Variants in LMNB1 observed in about 807,000 individuals in gnomAD.
LMNB1 encodes the protein lamin-B1.
Under a neutral mutation model 67.1 loss-of-function variants are expected in LMNB1, and 23 were observed. The ratio of observed to expected loss-of-function variants is 0.34; its 90% CI spans 0.25 to 0.49. LMNB1 has a LOEUF of 0.49. Ranked by LOEUF, LMNB1 falls within the 20% of genes least tolerant of loss-of-function variation. LMNB1 has a pLI of 0.99. For synonymous variants in LMNB1, 281 were observed against 282.9 expected, an observed-to-expected ratio of 0.99 and a Z score of 0.07; for missense variants, 634 against 746.5, an observed-to-expected ratio of 0.85 and a Z score of 1.76.
At chr5:126,798,091 G>A (rs1240227466) in intron 1 of LMNB1, among the ~76,000 whole-genome samples, 2 of 152,074 alleles carry the variant, frequency 1.3e-5, no homozygotes, top group African/African-American at 4.8e-5. Context: ...AGCCGTGATT[G>A]TGCCACTGCA....
intron 9 of LMNB1, among the ~76,000 whole-genome samples, chr5:126,830,280 C>T (rs1035530044): frequency 6.6e-6 from 1 of 152,108 alleles, no homozygotes; most frequent in African/African-American, 2.4e-5. Flanking sequence ...GCCCAAGGCT[C>T]GCAGCAGGGG....
At chr5:126,819,529 G>T (rs1751809666) in intron 6 of LMNB1, among the ~76,000 whole-genome samples, 1 of 151,032 alleles carries the variant, frequency 6.6e-6, no homozygotes, top group African/African-American at 2.4e-5. Context: ...TCAGCCTGTT[G>T]CCCAGGCTAG....
chr5:126,808,167 T>C (rs749930669), intron 3 of LMNB1, among the ~76,000 whole-genome samples: 2 of 148,288 alleles, frequency 1.3e-5, no homozygotes, highest in Middle Eastern at 3.8e-3. Flanking sequence ...CCACCGCACC[T>C]GGCCTTTTTT....
At chr5:126,778,319 C>A (rs1017387645) in intron 1 of LMNB1, among the ~76,000 whole-genome samples, 1 of 152,110 alleles carries the variant, frequency 6.6e-6, no homozygotes, top group Non-Finnish European at 1.5e-5. Flanking sequence ...CCGGGATGGG[C>A]GGCCGGGGAG....
At position 126,819,021 on chromosome 5, in the gene LMNB1, G is replaced by A; in HGVS notation, c.1039G>A (p.Ala347Thr). ...RMLTDKEREM[A>T]EIRDQMQQQL... is the part of the protein sequence containing the mutation. ...GCTGACAGACAAAGAGAGAGAGATG[G>A]CGGAAATAAGGGATCAAATGCAGCA... Residue 347 changes from alanine to threonine, a missense_variant, in exon 6 of 11, where the codon GCG becomes ACG. Transcript: ENST00000261366. 1 of 1,614,106 alleles carries A rather than the reference G, an allele frequency of 6.2e-7. No homozygotes were observed. The highest frequency in any genetic ancestry group is 8.5e-7 in the Non-Finnish European group (1 of 1,179,974).
rs1751987032 is a variant in LMNB1 at position 126,825,978 on chromosome 5, T to G, written c.1492-10T>G. ...TTCTGGGTGTACTGACATGCTTTGG[T>G]TTTTTACAGATTTGGGCTGCAAACG... On this transcript the variant is annotated splice_polypyrimidine_tract_variant and intron_variant, in intron 8 of 10. Transcript: ENST00000261366. 6.2e-7 allele frequency: 1 copy of G among 1,613,366 alleles called. No individual in the cohort carries two copies. Among genetic ancestry groups the G allele is most frequent in the South Asian group, 1.1e-5 (1 of 91,040 alleles).
chr5:126,804,357 C>T (rs538574281), intron 1 of LMNB1, among the ~76,000 whole-genome samples: 84 of 139,500 alleles, frequency 6.0e-4, no homozygotes, highest in Middle Eastern at 3.7e-3. Context: ...TGATTACAGA[C>T]GTAAGCCACT....
At chr5:126,827,603 C>T (rs1294081297) in intron 9 of LMNB1, among the ~76,000 whole-genome samples, 5 of 152,122 alleles carry the variant, frequency 3.3e-5, no homozygotes, top group Non-Finnish European at 7.4e-5. Context: ...GCTGAGATTG[C>T]GCCATTGCAC....
chr5:126,777,637 G>T lies in LMNB1; in HGVS notation c.129G>T (p.Leu43=). The T allele has an allele frequency of 2.6e-6, 4 of 1,543,410 alleles. No individual in the cohort carries two copies. The highest frequency in any genetic ancestry group is 3.5e-6 in the Non-Finnish European group (4 of 1,144,332). ...KEELRELNDR[L]AVYIDKVRSL... ...AGCTGCGCGAGCTCAATGACCGGCT[G>T]GCGGTGTACATCGACAAGGTGCGCA... Residue 43 remains leucine (L), a synonymous_variant, in exon 1 of 11, where the codon CTG becomes CTT. Transcript: ENST00000261366.
rs538374040 is a variant in LMNB1 at position 126,798,623 on chromosome 5, GTTA to G, written c.360-6147_360-6145del. ...AGTTTTAGAGATTATAGAAGCATCAGTTATTATTTTTTTCTTCTTGGAAGAGAC... is the reference window on the plus strand; with the variant it reads ...AGTTTTAGAGATTATAGAAGCATCAGTTATTTTTTTCTTCTTGGAAGAGAC... On this transcript the variant is annotated intron_variant, in intron 1 of 10. Coordinates refer to ENST00000261366, the MANE Select transcript of LMNB1 (RefSeq NM_005573.4). 1.2e-4 allele frequency among the ~76,000 whole-genome samples: 18 copies of G among 152,214 alleles called. No individual in the cohort carries two copies. The South Asian group carries it at 2.7e-3, about 23-fold the overall frequency.
intron 3 of LMNB1, among the ~76,000 whole-genome samples, chr5:126,809,787 C>CATGA (rs2126716445): frequency 6.6e-6 from 1 of 152,258 alleles, no homozygotes; most frequent in African/African-American, 2.4e-5. Flanking sequence ...GCTGTTTTTT[C>CATGA]AGAGATGTTC....
chr5:126,830,254 C>G (rs969999925), intron 9 of LMNB1, among the ~76,000 whole-genome samples: 1 of 152,224 alleles, frequency 6.6e-6, no homozygotes, highest in Non-Finnish European at 1.5e-5. Context: ...CTGCACAGAT[C>G]AGTGCACCTT....
chr5:126,836,209 G>GTT lies in LMNB1; in HGVS notation c.1720-11_1720-10dup. 6.2e-7 allele frequency: 1 copy of GTT among 1,601,304 alleles called. No individual in the cohort carries two copies. Among genetic ancestry groups the GTT allele is most frequent in the Non-Finnish European group, 8.5e-7 (1 of 1,169,810 alleles). On this transcript the variant is annotated splice_polypyrimidine_tract_variant and intron_variant, in intron 10 of 10. Coordinates refer to ENST00000261366, the MANE Select transcript of LMNB1 (RefSeq NM_005573.4). ...TTCTTTAGTATTAATTTTTCCTTCT[G>GTT]TTTTCCTCATCAGGGAACCCCAAGA... is the stretch of plus-strand genomic sequence containing the variant.
At chr5:126,777,901 G>A in intron 1 of LMNB1, 34 bp downstream of exon 1, 1 of 1,383,566 alleles carries the variant, frequency 7.2e-7, no homozygotes, top group Admixed American at 3.3e-5. Context: ...TTAGCGCCAA[G>A]GAGGGGCGGG....
intron 1 of LMNB1, among the ~76,000 whole-genome samples, chr5:126,794,558 G>C (rs1026325277): frequency 1.3e-5 from 2 of 152,200 alleles, no homozygotes; most frequent in Non-Finnish European, 2.9e-5. Flanking sequence ...TGGGTGTGAA[G>C]AGATCCCCAG....
Position 126,785,095 on chromosome 5 carries a change from T to G in LMNB1, c.359+7228T>G, listed in dbSNP as rs528107478. Among the ~76,000 whole-genome samples, 584 of 151,710 alleles carry G rather than the reference T, an allele frequency of 3.8e-3. 9 individuals carry two copies. Among genetic ancestry groups the G allele is most frequent in the African/African-American group, 0.013 (550 of 41,312 alleles). On this transcript the variant is annotated intron_variant, in intron 1 of 10. Transcript: ENST00000261366. ...CCCGGGTTCAAGTGATTCTGCCGCC[T>G]CAGCCTCCCAAATATCTGGGATTAC... is the stretch of plus-strand genomic sequence containing the variant.
chr5:126,809,005 A>G (rs569503503), intron 3 of LMNB1, among the ~76,000 whole-genome samples: 1 of 152,052 alleles, frequency 6.6e-6, no homozygotes, highest in Non-Finnish European at 1.5e-5. Context: ...CCTCCTGAGT[A>G]GCTGGGATTA....
At chr5:126,806,047 T>G (rs577462736) in intron 3 of LMNB1, among the ~76,000 whole-genome samples, 26 of 152,318 alleles carry the variant, frequency 1.7e-4, no homozygotes, top group African/African-American at 6.0e-4. Context: ...CTCTGCCTCC[T>G]GGGTTCAAGC....
chr5:126,792,608 C>T (rs906617143), intron 1 of LMNB1, among the ~76,000 whole-genome samples: 1 of 119,210 alleles, frequency 8.4e-6, no homozygotes, highest in Non-Finnish European at 1.6e-5. Context: ...TAGAGTTTCA[C>T]TCTTGTTGCC....
Sources: allele counts gnomAD v4.1 joint callset (sites outside exome capture counted in the v4.1 genomes callset), GRCh38; gene constraint gnomAD v4.1.1; transcripts MANE v1.5; gene names NCBI Gene and HGNC (gene_info 2026-07-23, HGNC 2026-07-21).